The following BCAR3 variants were observed in gnomAD, a reference collection of about 807,000 sequenced individuals.
The protein encoded by BCAR3 is BCAR3 adaptor protein, NSP family member, also known as breast cancer anti-estrogen resistance protein 3.
In BCAR3, 37 loss-of-function variants were observed where a neutral mutation model predicts 80.1. That is an observed-to-expected ratio of 0.46 (90% CI 0.36 to 0.61). The LOEUF is 0.61. Among genes scored for constraint, BCAR3 ranks in the 20% least tolerant of loss-of-function variants. The pLI is 0.00. For missense variants in BCAR3, 978 were observed against 1,068.2 expected (o/e 0.92, Z 1.18); for synonymous variants, 389 against 418.9 (o/e 0.93, Z 0.87).
chr1:93,599,417 T>G (rs1674548038), intron 3 of BCAR3: 1 of 152,216 alleles, frequency 6.6e-6, no homozygotes, highest in Non-Finnish European at 1.5e-5. Flanking sequence ...TCCCTGTCAC[T>G]TGTGACCAAA....
At chr1:93,701,593 A>G (rs1362295144) in intron 3 of BCAR3, among the ~76,000 whole-genome samples, 1 of 152,222 alleles carries the variant, frequency 6.6e-6, no homozygotes, top group Non-Finnish European at 1.5e-5. Context: ...CAAAAGAGAC[A>G]CTGCACAGAC....
intron 2 of BCAR3, among the ~76,000 whole-genome samples, chr1:93,827,473 T>C (rs1477208198): frequency 1.3e-5 from 2 of 151,648 alleles, no homozygotes; most frequent in African/African-American, 2.4e-5. Flanking sequence ...CCGAGAGGGC[T>C]GTCTCAGCTA....
At chr1:93,600,281 CAT>C (rs1372130009) in intron 3 of BCAR3, among the ~76,000 whole-genome samples, 1 of 152,206 alleles carries the variant, frequency 6.6e-6, no homozygotes, top group Non-Finnish European at 1.5e-5. Flanking sequence ...TGGCCCCTGA[CAT>C]ATACTGAACT....
At chr1:93,584,919 C>T (rs1673880716) in intron 5 of BCAR3, 1 of 942,470 alleles carries the variant, frequency 1.1e-6, no homozygotes, top group Non-Finnish European at 1.3e-6. Context: ...AATTGGCCTT[C>T]CCATAAGCAT....
chr1:93,600,576 G>A (rs1001138624), intron 3 of BCAR3: 2 of 152,216 alleles, frequency 1.3e-5, no homozygotes, highest in African/African-American at 2.4e-5. Flanking sequence ...TCCAGATAAA[G>A]CCCAAAGCCT....
chr1:93,832,988 T>C (rs1340605457), intron 2 of BCAR3, among the ~76,000 whole-genome samples: 1 of 152,126 alleles, frequency 6.6e-6, no homozygotes, highest in Non-Finnish European at 1.5e-5. Context: ...TGATGGATGA[T>C]GCCCCCCTTA....
intron 2 of BCAR3, among the ~76,000 whole-genome samples, chr1:93,713,801 T>C (rs1650105893): frequency 6.6e-6 from 1 of 152,204 alleles, no homozygotes; most frequent in Admixed American, 6.5e-5. Flanking sequence ...TTGACTGTAG[T>C]GAGCCTTCAA....
At chr1:93,774,606 C>T (rs1227502632) in intron 2 of BCAR3, among the ~76,000 whole-genome samples, 1 of 152,180 alleles carries the variant, frequency 6.6e-6, no homozygotes, top group East Asian at 1.9e-4. Flanking sequence ...GACCATCACC[C>T]AAGCCCTGTC....
intron 11 of BCAR3, among the ~76,000 whole-genome samples, chr1:93,565,113 T>C (rs540265743): frequency 7.6e-4 from 115 of 152,148 alleles, no homozygotes; most frequent in African/African-American, 2.5e-3. Flanking sequence ...TTTTTTTTTT[T>C]GAGACCAGGC....
chr1:93,588,759 AC>A (rs1674049166), intron 5 of BCAR3, among the ~76,000 whole-genome samples: 2 of 145,574 alleles, frequency 1.4e-5, no homozygotes, highest in Non-Finnish European at 3.0e-5. Flanking sequence ...CCCCATCAGC[AC>A]CCCCCGAAAT....
chr1:93,577,227 G>C (rs930291039), intron 7 of BCAR3, among the ~76,000 whole-genome samples: 2 of 152,160 alleles, frequency 1.3e-5, no homozygotes, highest in African/African-American at 4.8e-5. Flanking sequence ...GGAACTAACA[G>C]ATGCAACAAC....
chr1:93,684,510 T>G (rs1648905879), upstream of BCAR3, among the ~76,000 whole-genome samples: 1 of 152,214 alleles, frequency 6.6e-6, no homozygotes, highest in African/African-American at 2.4e-5. Flanking sequence ...TTTCATTAAT[T>G]ATCACTAGAA....
At chr1:93,723,298 C>T (rs1359689874) in intron 2 of BCAR3, 2 of 152,248 alleles carry the variant, frequency 1.3e-5, no homozygotes, top group Non-Finnish European at 2.9e-5. Flanking sequence ...CAAACAGATA[C>T]CCTGCATGGT....
At chr1:93,818,170 T>C (rs1240950640) in intron 2 of BCAR3, among the ~76,000 whole-genome samples, 1 of 152,244 alleles carries the variant, frequency 6.6e-6, no homozygotes, top group Admixed American at 6.5e-5. Context: ...GTGTCTCCTT[T>C]TGTACTTTGT....
chr1:93,717,441 G>C (rs1650226716), intron 2 of BCAR3, among the ~76,000 whole-genome samples: 1 of 152,188 alleles, frequency 6.6e-6, no homozygotes. Context: ...TTGGAGATAA[G>C]AGGCTGGGCG....
chr1:93,701,058 C>G (rs1649624016), intron 3 of BCAR3, among the ~76,000 whole-genome samples: 1 of 152,206 alleles, frequency 6.6e-6, no homozygotes, highest in Non-Finnish European at 1.5e-5. Flanking sequence ...GCTGTGTGAC[C>G]TTGGGCAAAT....
In BCAR3 at chr1:93,567,764, T is replaced by C. The variant is rs1329369080; in HGVS notation, c.2062A>G (p.Ser688Gly). The C allele has an allele frequency of 6.2e-7, 1 of 1,614,218 alleles. No individual in the cohort carries two copies. Among genetic ancestry groups the C allele is most frequent in the Non-Finnish European group, 8.5e-7 (1 of 1,180,012 alleles). Reference protein sequence around the residue: ...ILYEKQLKPFSKLLHEGREST... With the variant: ...ILYEKQLKPFGKLLHEGREST... ...CCTCTGCCTTCATGCAGGAGTTTGC[T>C]GAAGGGCTTCAGCTGTTTCTCATAG... The change falls in exon 10 of 12, where the codon AGC becomes GGC. Residue 688 changes from serine (S) to glycine (G), a missense_variant. By Grantham distance (56) the Ser-to-Gly change is moderately conservative. Coordinates refer to ENST00000260502, the MANE Select transcript of BCAR3 (RefSeq NM_003567.4).
intron 9 of BCAR3, among the ~76,000 whole-genome samples, chr1:93,568,807 C>A (rs145388140): frequency 1.3e-5 from 2 of 152,262 alleles, no homozygotes; most frequent in African/African-American, 4.8e-5. Context: ...TAGTTTAACT[C>A]GTCTCTTAAA....
chr1:93,736,965 C>T (rs1175316075), intron 2 of BCAR3, among the ~76,000 whole-genome samples: 3 of 152,220 alleles, frequency 2.0e-5, no homozygotes, highest in Admixed American at 2.0e-4. Context: ...CAGATTCCAG[C>T]TTCTCCTGTT....
Sources: allele counts gnomAD v4.1 joint callset (sites outside exome capture counted in the v4.1 genomes callset), GRCh38; gene constraint gnomAD v4.1.1; transcripts MANE v1.5; gene names NCBI Gene and HGNC (gene_info 2026-07-23, HGNC 2026-07-21).